Variants in KCNQ5 observed in about 807,000 individuals in gnomAD.
KCNQ5 encodes potassium voltage-gated channel subfamily Q member 5, also known as potassium voltage-gated channel subfamily KQT member 5.
In KCNQ5, 30 loss-of-function variants were observed where a neutral mutation model predicts 98.2. That is an observed-to-expected ratio of 0.31 (90% CI 0.23 to 0.41). The LOEUF is 0.41. Among genes scored for constraint, KCNQ5 ranks in the 10% least tolerant of loss-of-function variants. The pLI is 1.00. For synonymous variants in KCNQ5, 458 were observed against 449.4 expected, an observed-to-expected ratio of 1.02 and a Z score of -0.24; for missense variants, 835 against 1,182.5, an observed-to-expected ratio of 0.71 and a Z score of 4.31.
intron 1 of KCNQ5, among the ~76,000 whole-genome samples, chr6:72,655,939 A>G (rs1361531929): frequency 1.3e-5 from 2 of 152,190 alleles, no homozygotes; most frequent in Non-Finnish European, 1.5e-5. Flanking sequence ...GAAAGAATCT[A>G]TATATGGGTC....
intron 1 of KCNQ5, among the ~76,000 whole-genome samples, chr6:72,799,635 G>A (rs1424671533): frequency 6.6e-6 from 1 of 152,168 alleles, no homozygotes; most frequent in Non-Finnish European, 1.5e-5. Flanking sequence ...ATTTCTTTGA[G>A]ATCAAACACG....
At chr6:73,077,629 T>A in intron 4 of KCNQ5, 132 bp downstream of exon 4, 1 of 1,256,784 alleles carries the variant, frequency 8.0e-7, no homozygotes, top group Non-Finnish European at 1.1e-6. Context: ...TGGGACATGA[T>A]GTACAATGGA....
intron 1 of KCNQ5, among the ~76,000 whole-genome samples, chr6:72,773,253 T>G (rs1161153874): frequency 6.6e-6 from 1 of 152,078 alleles, no homozygotes; most frequent in East Asian, 1.9e-4. Flanking sequence ...AGTGATAGAC[T>G]GGATAAAGAA....
chr6:72,696,252 A>G (rs1768491701), intron 1 of KCNQ5, among the ~76,000 whole-genome samples: 1 of 152,220 alleles, frequency 6.6e-6, no homozygotes, highest in African/African-American at 2.4e-5. Flanking sequence ...AAACAGTGGA[A>G]TATTATACAG....
At chr6:73,004,502 T>C (rs1769731685) in intron 2 of KCNQ5, among the ~76,000 whole-genome samples, 2 of 152,366 alleles carry the variant, frequency 1.3e-5, no homozygotes, top group African/African-American at 4.8e-5. Context: ...GTTTTGCTGC[T>C]AATGCAGTTA....
At chr6:72,650,307 G>A (rs921631067) in intron 1 of KCNQ5, among the ~76,000 whole-genome samples, 1 of 151,980 alleles carries the variant, frequency 6.6e-6, no homozygotes, top group Non-Finnish European at 1.5e-5. Context: ...ATATAAATAG[G>A]TACATTCTGG....
intron 1 of KCNQ5, among the ~76,000 whole-genome samples, chr6:72,727,866 A>G (rs1770367518): frequency 6.6e-6 from 1 of 152,040 alleles, no homozygotes; most frequent in Non-Finnish European, 1.5e-5. Context: ...TGTAAGGCAG[A>G]GTCTTCCCAT....
At chr6:72,798,471 C>A (rs1230922802) in intron 1 of KCNQ5, among the ~76,000 whole-genome samples, 1 of 152,142 alleles carries the variant, frequency 6.6e-6, no homozygotes, top group African/African-American at 2.4e-5. Flanking sequence ...GAGTTTGGTT[C>A]TCTCACTTGC....
chr6:72,976,580 G>A (rs1349069856), intron 1 of KCNQ5, among the ~76,000 whole-genome samples: 2 of 152,078 alleles, frequency 1.3e-5, no homozygotes. Flanking sequence ...AGCACTTCCT[G>A]TAAGGCAGCC....
intron 1 of KCNQ5, among the ~76,000 whole-genome samples, chr6:72,965,535 A>G (rs943259628): frequency 6.6e-6 from 1 of 152,150 alleles, no homozygotes; most frequent in Non-Finnish European, 1.5e-5. Flanking sequence ...CATTTTCTCA[A>G]CATTTCATCG....
chr6:72,833,960 T>C (rs1434684176), intron 1 of KCNQ5, among the ~76,000 whole-genome samples: 1 of 152,110 alleles, frequency 6.6e-6, no homozygotes, highest in East Asian at 1.9e-4. Flanking sequence ...AAAGTTATAC[T>C]ACTTGTGTAA....
At chr6:73,175,208 C>T (rs1427694285) in intron 11 of KCNQ5, among the ~76,000 whole-genome samples, 3 of 151,674 alleles carry the variant, frequency 2.0e-5, no homozygotes, top group African/African-American at 7.3e-5. Flanking sequence ...TGGAGTGCAA[C>T]GGCGCGATCT....
chr6:73,139,404 T>C (rs950615098), intron 10 of KCNQ5, among the ~76,000 whole-genome samples: 2 of 152,278 alleles, frequency 1.3e-5, no homozygotes, highest in African/African-American at 4.8e-5. Flanking sequence ...GTTTGGGGAT[T>C]GCATTTGGGG....
intron 1 of KCNQ5, among the ~76,000 whole-genome samples, chr6:72,631,876 CT>C (rs2098920997): frequency 6.6e-6 from 1 of 152,162 alleles, no homozygotes; most frequent in African/African-American, 2.4e-5. Context: ...GGACATTGTT[CT>C]AAATTCTTTA....
intron 1 of KCNQ5, among the ~76,000 whole-genome samples, chr6:72,798,612 C>T (rs919352462): frequency 2.0e-5 from 3 of 152,116 alleles, no homozygotes; most frequent in Non-Finnish European, 4.4e-5. Context: ...TATAAATCAC[C>T]CAGTCTCAGG....
chr6:72,844,839 C>G (rs1776952767), intron 1 of KCNQ5, among the ~76,000 whole-genome samples: 1 of 152,148 alleles, frequency 6.6e-6, no homozygotes, highest in Non-Finnish European at 1.5e-5. Flanking sequence ...TGTGCCTGCT[C>G]CCTGTGCTTT....
chr6:72,630,221 GATAATATAGAGCTTATCTCTTA>G (rs1434131446), intron 1 of KCNQ5, among the ~76,000 whole-genome samples: 2 of 152,064 alleles, frequency 1.3e-5, no homozygotes, highest in African/African-American at 4.8e-5. Flanking sequence ...ATTTACTCTT[GATAATATAGAGCTTATCTCTTA>G]ATTTGAAAGA....
At chr6:73,031,496 G>A (rs1481204330) in intron 2 of KCNQ5, among the ~76,000 whole-genome samples, 2 of 152,180 alleles carry the variant, frequency 1.3e-5, no homozygotes, top group African/African-American at 2.4e-5. Context: ...ATTGGGTGGT[G>A]CTGAGCCTGA....
chr6:73,078,863 C>T (rs1010229946), intron 5 of KCNQ5, among the ~76,000 whole-genome samples: 29 of 152,198 alleles, frequency 1.9e-4, no homozygotes, highest in Admixed American at 1.9e-3. Context: ...CAAAAATTTT[C>T]CCTGCATTGT....
Sources: allele counts gnomAD v4.1 joint callset (sites outside exome capture counted in the v4.1 genomes callset), GRCh38; gene constraint gnomAD v4.1.1; transcripts MANE v1.5; gene names NCBI Gene and HGNC (gene_info 2026-07-23, HGNC 2026-07-21).